Variants in PCDHGB4 observed in about 807,000 individuals in gnomAD.
PCDHGB4 encodes protocadherin gamma-B4.
Under a neutral mutation model 60.5 loss-of-function variants are expected in PCDHGB4, and 38 were observed. The observed-to-expected ratio is 0.63, with a 90% CI of 0.48 to 0.82. PCDHGB4 has a LOEUF of 0.82. Among genes scored for constraint, PCDHGB4 ranks in the 40% least tolerant of loss-of-function variants. The pLI is 0.00. For synonymous variants in PCDHGB4, 456 were observed against 509.7 expected, an observed-to-expected ratio of 0.89 and a Z score of 1.42; for missense variants, 1,109 against 1,209.6, an observed-to-expected ratio of 0.92 and a Z score of 1.23.
At position 141,485,348 on chromosome 5, in the gene PCDHGB4, C is replaced by A; in HGVS notation, c.2398-9459C>A. ...AGATTTCCTGCTGGATACGGACAGT[C>A]TGTCAGCTCGCAGGCTGCAGGTCGC... On this transcript the variant is annotated intron_variant, in intron 1 of 3. Coordinates refer to ENST00000519479, the MANE Select transcript of PCDHGB4 (RefSeq NM_003736.4). This position sits in a 1 kb window ranked among gnomAD's most constrained non-coding sequence, Gnocchi z 5.7. 6.2e-7 allele frequency: 1 copy of A among 1,614,146 alleles called. No individual in the cohort carries two copies. Among genetic ancestry groups the A allele is most frequent in the Non-Finnish European group, 8.5e-7 (1 of 1,180,008 alleles).
intron 1 of PCDHGB4, among the ~76,000 whole-genome samples, chr5:141,455,410 G>A (rs1332059386): frequency 6.6e-6 from 1 of 152,130 alleles, no homozygotes; most frequent in Non-Finnish European, 1.5e-5. Context: ...CAGAGACAGA[G>A]GGAGCGGGGC....
rs2154591305 is a variant in PCDHGB4, at chr5:141,493,879, G to A, written c.2398-928G>A. Among the ~76,000 whole-genome samples the A allele has an allele frequency of 6.6e-6, 1 of 152,288 alleles. No homozygotes were observed. The highest frequency in any genetic ancestry group is 6.5e-5 in the Admixed American group (1 of 15,302). ...CCCACCCCAGAACCAGTGAGGAGGT[G>A]GCTCTAGGAGTGCTCCATGAGAGTG... On this transcript the variant is annotated intron_variant, in intron 1 of 3. Coordinates refer to ENST00000519479, the MANE Select transcript of PCDHGB4 (RefSeq NM_003736.4). This position sits in a 1 kb window ranked among gnomAD's most constrained non-coding sequence, Gnocchi z 4.3.
In PCDHGB4 at chr5:141,511,259, A is replaced by G; in HGVS notation, c.*86A>G. On this transcript the variant is annotated 3_prime_UTR_variant, in exon 4 of 4. Transcript: ENST00000519479. ...ACCTGCACCCAGGCCTCAGAGTTTCAGGGCTAACCCCCAGAATACTGGTAG... is the reference window on the plus strand; with the variant it reads ...ACCTGCACCCAGGCCTCAGAGTTTCGGGGCTAACCCCCAGAATACTGGTAG... 1.3e-6 allele frequency: 2 copies of G among 1,559,840 alleles called. No individual in the cohort carries two copies. The highest frequency in any genetic ancestry group is 1.7e-6 in the Non-Finnish European group (2 of 1,152,466).
Position 141,511,015 on chromosome 5 carries a change from C to T in PCDHGB4, c.2614C>T (p.Pro872Ser), listed in dbSNP as rs1430257603. The T allele has an allele frequency of 1.2e-6, 2 of 1,614,106 alleles. No homozygotes were observed. The highest frequency in any genetic ancestry group is 1.3e-5 in the African/African-American group (1 of 74,936). The stretch of plus-strand genomic sequence containing the variant: ...CATGGGATTGAGCGCCCGCTACGGA[C>T]CCCAGTTCACCCTGCAGCACGTGCC... ...GTMGLSARYG[P>S]QFTLQHVPDY... Residue 872 changes from proline (P) to serine (S), a missense_variant, in exon 4 of 4, where the codon CCC (proline) becomes TCC (serine). Coordinates refer to ENST00000519479, the MANE Select transcript of PCDHGB4 (RefSeq NM_003736.4).
At chr5:141,453,919 C>T (rs142719452) in intron 1 of PCDHGB4, among the ~76,000 whole-genome samples, 2 of 152,318 alleles carry the variant, frequency 1.3e-5, no homozygotes, top group African/African-American at 4.8e-5. Flanking sequence ...TGTCAGTGAT[C>T]AGTCACTGTG....
chr5:141,389,264 C>T lies in PCDHGB4; in HGVS notation c.1380C>T (p.Ala460=). The T allele has an allele frequency of 6.2e-7, 1 of 1,614,018 alleles. No homozygotes were observed. The highest frequency in any genetic ancestry group is 1.1e-5 in the South Asian group (1 of 91,088). The change falls in exon 1 of 4, where the codon GCC becomes GCT. Residue 460 remains alanine (A), a synonymous_variant. Coordinates refer to ENST00000519479, the MANE Select transcript of PCDHGB4 (RefSeq NM_003736.4). ...FSQSSYIVHV[A]ENNPPGASIS... is the part of the protein sequence containing the mutation. ...AGTCTTCCTATATAGTCCACGTGGCCGAGAACAACCCGCCTGGAGCCTCTA... is the reference window on the plus strand; with the variant it reads ...AGTCTTCCTATATAGTCCACGTGGCTGAGAACAACCCGCCTGGAGCCTCTA...
At chr5:141,395,522 A>T in intron 1 of PCDHGB4, 1 of 398,214 alleles carries the variant, frequency 2.5e-6, no homozygotes. Flanking sequence ...ACCCGTCCAT[A>T]CTGGTAATTT....
rs1477077191 is a variant in PCDHGB4, at chr5:141,427,802, C to T, written c.2397+37521C>T. 7.3e-6 allele frequency: 11 copies of T among 1,510,148 alleles called. No individual in the cohort carries two copies. In the South Asian group the frequency reaches 9.0e-5, roughly 12 times the overall value. The allele number at this position is 1,510,148 out of a possible 1,614,324, so 93.5% of individuals were successfully genotyped here. A position where few individuals can be genotyped will look rare whatever the true frequency, so the allele number is the denominator to read the frequency against. On this transcript the variant is annotated intron_variant, in intron 1 of 3. Transcript: ENST00000519479. ...CACTGTCGTCCTACGTGTCCGTGAG[C>T]GCACAGAGCGGGGTGGTGGTCGCGC... is the stretch of plus-strand genomic sequence containing the variant.
intron 1 of PCDHGB4, among the ~76,000 whole-genome samples, chr5:141,474,082 CA>C (rs1449032579): frequency 1.3e-5 from 2 of 151,946 alleles, no homozygotes; most frequent in Non-Finnish European, 2.9e-5. Flanking sequence ...AAACAAAAAC[CA>C]AAAAACAAAC....
At chr5:141,478,478 A>T (rs764926007) in intron 1 of PCDHGB4, 2 of 1,613,740 alleles carry the variant, frequency 1.2e-6, no homozygotes, top group East Asian at 4.5e-5. Flanking sequence ...CCGCCAGAAC[A>T]CGCTGCGGAG....
chr5:141,410,455 T>G (rs2095396076), intron 1 of PCDHGB4: 3 of 1,613,914 alleles, frequency 1.9e-6, no homozygotes, highest in African/African-American at 2.7e-5. Flanking sequence ...TGCCTTATTC[T>G]TATAATCTGT....
chr5:141,392,841 C>T (rs1464167244), intron 1 of PCDHGB4: 3 of 1,608,800 alleles, frequency 1.9e-6, no homozygotes, highest in Non-Finnish European at 8.5e-7. Flanking sequence ...TCGCCCCAGA[C>T]GCGGCGAGCT....
chr5:141,393,458 G>A (rs181214352), intron 1 of PCDHGB4: 5 of 1,614,020 alleles, frequency 3.1e-6, no homozygotes, highest in African/African-American at 2.7e-5. Context: ...TCACGGCCTC[G>A]GATGGCGGCA....
In PCDHGB4 at chr5:141,431,118, A is replaced by T. The variant is rs2097344347; in HGVS notation, c.2397+40837A>T. On this transcript the variant is annotated intron_variant, in intron 1 of 3. Coordinates refer to ENST00000519479, the MANE Select transcript of PCDHGB4 (RefSeq NM_003736.4). This position sits in a 1 kb window ranked among gnomAD's most constrained non-coding sequence, Gnocchi z 4.8. ...GATAAAGTGAAAATATATGGAGTAG[A>T]AGTAGAAGTAAGGGACATTAACGAC... is the stretch of plus-strand genomic sequence containing the variant. The T allele has an allele frequency of 6.2e-7, 1 of 1,614,182 alleles. No homozygotes were observed. Among genetic ancestry groups the T allele is most frequent in the African/African-American group, 1.3e-5 (1 of 75,070 alleles).
Position 141,489,793 on chromosome 5 carries a change from C to T in PCDHGB4, c.2398-5014C>T, listed in dbSNP as rs749700050. On this transcript the variant is annotated intron_variant, in intron 1 of 3. Transcript: ENST00000519479. The surrounding 1 kb of genome is among the most constrained non-coding windows in gnomAD (Gnocchi z 4.5). ...CCACTTCTCTCTGAATGTGAAGACC[C>T]TAAAAGATGGGAAGCCATTCCCAGA... The T allele has an allele frequency of 6.2e-7, 1 of 1,614,044 alleles. No homozygotes were observed. Among genetic ancestry groups the T allele is most frequent in the Non-Finnish European group, 8.5e-7 (1 of 1,180,010 alleles).
chr5:141,414,469 G>T (rs944183814), intron 1 of PCDHGB4: 1 of 1,613,742 alleles, frequency 6.2e-7, no homozygotes, highest in African/African-American at 1.3e-5. Context: ...CACAGATGGG[G>T]GAAGTCCTCC....
chr5:141,415,605 G>GGT, intron 1 of PCDHGB4: 1 of 1,613,122 alleles, frequency 6.2e-7, no homozygotes. Context: ...ATACCCCATT[G>GGT]GTTCCAGTGA....
rs375367492 is a variant in PCDHGB4 at position 141,388,397 on chromosome 5, A to G, written c.513A>G (p.Gln171=). The G allele has an allele frequency of 2.9e-4, 463 of 1,613,838 alleles. No homozygotes were observed. Among genetic ancestry groups the G allele is most frequent in the Non-Finnish European group, 3.7e-4 (437 of 1,179,896 alleles). ...GTAGCAACACACTGCAGAATTACCAACTCAGTCCCAGTGATCATTTCTCAC... is the reference window on the plus strand; with the variant it reads ...GTAGCAACACACTGCAGAATTACCAGCTCAGTCCCAGTGATCATTTCTCAC... ...DIGSNTLQNY[Q]LSPSDHFSLI... is the part of the protein sequence containing the mutation. The change falls in exon 1 of 4, where the codon CAA becomes CAG. Residue 171 remains glutamine (Q), a synonymous_variant. Coordinates refer to ENST00000519479, the MANE Select transcript of PCDHGB4 (RefSeq NM_003736.4).
At chr5:141,447,370 C>A (rs2098536615) in intron 1 of PCDHGB4, among the ~76,000 whole-genome samples, 1 of 151,612 alleles carries the variant, frequency 6.6e-6, no homozygotes, top group African/African-American at 2.4e-5. Context: ...AACTCCTGAC[C>A]CTGGTGATCT....
Sources: gnomAD v4.1 joint callset for allele counts (sites outside exome capture counted in the v4.1 genomes callset) on GRCh38, gnomAD v4.1.1 for gene constraint, Gnocchi (gnomAD v3.1) non-coding constraint, MANE v1.5 for transcripts, NCBI Gene and HGNC (gene_info 2026-07-23, HGNC 2026-07-21) for gene names.